CPA1: variants seen among roughly 807,000 people sequenced by gnomAD.
The protein encoded by CPA1 is carboxypeptidase A1.
In CPA1, 42 loss-of-function variants were observed where a neutral mutation model predicts 48.7. The observed-to-expected ratio is 0.86, with a 90% confidence interval of 0.67 to 1.11. The LOEUF is 1.11. Among genes scored for constraint, CPA1 ranks in the 50% most tolerant of loss-of-function variants. CPA1 has a pLI of 0.00. For missense variants in CPA1, 477 were observed against 544.7 expected (o/e 0.88, Z 1.24); for synonymous variants, 203 against 217.9 (o/e 0.93, Z 0.60).
At chr7:130,381,368 C>T (rs894289056) in intron 2 of CPA1, among the ~76,000 whole-genome samples, 189 bp downstream of exon 2, 1 of 152,088 alleles carries the variant, frequency 6.6e-6, no homozygotes. Context: ...GGCAAGGGGC[C>T]GGGCCCCTTT....
intron 8 of CPA1, 61 bp from the exon 9 acceptor site, chr7:130,385,778 C>T (rs1208271413): frequency 1.4e-6 from 2 of 1,417,728 alleles, no homozygotes; most frequent in Non-Finnish European, 9.9e-7. Flanking sequence ...CCAGACTACC[C>T]TGGACATGCT....
rs569677916 is a variant in CPA1, at chr7:130,381,219, A to G, written c.147+40A>G. 3.1e-5 allele frequency: 47 copies of G among 1,514,016 alleles called. 1 individual carries two copies. In the South Asian group the frequency reaches 5.3e-4, roughly 17 times the overall value. 93.8% of individuals were successfully genotyped at this position (1,514,016 alleles called of 1,614,324 possible). ...GAAGGGCTCTCTGAGGCCCCAGGGTATCAGCTGGGGCCACCCCAGGTCCCC... is the reference window on the plus strand; with the variant it reads ...GAAGGGCTCTCTGAGGCCCCAGGGTGTCAGCTGGGGCCACCCCAGGTCCCC... On this transcript the variant is annotated intron_variant, in intron 2 of 9. Transcript: ENST00000011292.
intron 4 of CPA1, among the ~76,000 whole-genome samples, chr7:130,383,101 T>C (rs868985982): frequency 4.1e-4 from 62 of 152,276 alleles, no homozygotes; most frequent in African/African-American, 1.3e-3. Flanking sequence ...GTTTTGTTTG[T>C]GATGTCCCCC....
rs782465366 is a variant in CPA1, at chr7:130,383,682, A to G, written c.586-2A>G. 1.8e-5 allele frequency: 29 copies of G among 1,610,670 alleles called. No homozygotes were observed. The East Asian group carries it at 6.2e-4, about 35-fold the overall frequency. ...TGCCCCTCTGCTCCTCTAACCCCCC[A>G]GATCACTCAAGACTACGGGCAGGAT... is the stretch of plus-strand genomic sequence containing the variant. On this transcript the variant is annotated splice_acceptor_variant, in intron 5 of 9. Coordinates refer to ENST00000011292, the MANE Select transcript of CPA1 (RefSeq NM_001868.4). LOFTEE classifies it high-confidence loss of function.
intron 6 of CPA1, chr7:130,384,044 G>C: frequency 1.9e-6 from 1 of 540,040 alleles, no homozygotes; most frequent in Non-Finnish European, 3.3e-6. Context: ...ATGCCAGTAG[G>C]AGCCCCCCTC....
chr7:130,385,055 C>A (rs982072068), intron 7 of CPA1, 91 bp from the exon 8 acceptor site: 2 of 1,306,976 alleles, frequency 1.5e-6, no homozygotes, highest in Admixed American at 3.4e-5. Context: ...CCTTCCATAC[C>A]ACCTCACCCC....
At chr7:130,385,368 C>T (rs782255121) in intron 8 of CPA1, 23 bp downstream of exon 8, 20 of 1,611,278 alleles carry the variant, frequency 1.2e-5, no homozygotes, top group Non-Finnish European at 1.6e-5. Context: ...CTCGGCTTGC[C>T]CCCTCGTCCC....
In CPA1 at chr7:130,383,765, C is replaced by A. The variant is rs1226357328; in HGVS notation, c.667C>A (p.Pro223Thr). 1.9e-6 allele frequency: 3 copies of A among 1,613,966 alleles called. No individual in the cohort carries two copies. Among genetic ancestry groups the A allele is most frequent in the African/African-American group, 1.3e-5 (1 of 74,918 alleles). The change falls in exon 6 of 10, where the codon CCT (proline) becomes ACT (threonine). Residue 223 changes from proline to threonine, a missense_variant. By Grantham distance (38) the Pro-to-Thr change is conservative. Coordinates refer to ENST00000011292, the MANE Select transcript of CPA1 (RefSeq NM_001868.4). ...LDIFLEIVTNPDGFAFTHSTN... is the reference protein window; with the variant it reads ...LDIFLEIVTNTDGFAFTHSTN... Reference sequence around the variant, plus strand: ...CATCTTCCTGGAGATCGTCACCAACCCTGATGGCTTTGCCTTCACGCACAG... The same window carrying A: ...CATCTTCCTGGAGATCGTCACCAACACTGATGGCTTTGCCTTCACGCACAG...
intron 6 of CPA1, 169 bp from the exon 7 acceptor site, chr7:130,384,367 T>G: frequency 1.6e-6 from 1 of 610,830 alleles, no homozygotes; most frequent in Non-Finnish European, 2.9e-6. Context: ...TCCCAAGCTG[T>G]GCCTGCAGCT....
At position 130,387,979 on chromosome 7, in the gene CPA1, A is replaced by G. The variant is rs782718650; in HGVS notation, c.1228A>G (p.Ile410Val). ...AKETWLALLT[I>V]MEHTLNHPY ...GGAGACGTGGCTGGCGCTTCTGACC[A>G]TCATGGAGCACACCCTGAATCACCC... Residue 410 changes from isoleucine to valine, a missense_variant, in exon 10 of 10, where the codon ATC becomes GTC. Coordinates refer to ENST00000011292, the MANE Select transcript of CPA1 (RefSeq NM_001868.4). This position sits in a 1 kb window ranked among gnomAD's most constrained non-coding sequence, Gnocchi z 4.6. 44 of 1,613,968 alleles carry G rather than the reference A, an allele frequency of 2.7e-5. No individual in the cohort carries two copies. The highest frequency in any genetic ancestry group is 2.0e-5 in the Non-Finnish European group (24 of 1,180,012).
At chr7:130,380,711 T>A in intron 1 of CPA1, 126 bp downstream of exon 1, 1 of 553,764 alleles carries the variant, frequency 1.8e-6, no homozygotes, top group Non-Finnish European at 3.0e-6. Context: ...TGGCACCACC[T>A]GGGACAGCTG....
chr7:130,380,982 A>C lies in CPA1; in HGVS notation c.66-116A>C, dbSNP rs1332061047. 6.2e-6 allele frequency: 5 copies of C among 809,774 alleles called. No homozygotes were observed. In the Admixed American group the frequency reaches 1.0e-4, roughly 16 times the overall value. 50.2% of individuals were successfully genotyped at this position (809,774 alleles called of 1,614,324 possible). A position where few individuals can be genotyped will look rare whatever the true frequency, so the allele number is the denominator to read the frequency against. The stretch of plus-strand genomic sequence containing the variant: ...TGGTGCTGTCCCCTGCCCAGCCCAG[A>C]GGACGAGGCCCAGTCTGGGGATTCT... On this transcript the variant is annotated intron_variant, in intron 1 of 9. Transcript: ENST00000011292.
intron 4 of CPA1, among the ~76,000 whole-genome samples, chr7:130,382,614 C>T (rs1279100546): frequency 6.6e-6 from 1 of 150,448 alleles, no homozygotes; most frequent in East Asian, 2.0e-4. Flanking sequence ...CAAGCACGTG[C>T]CACCATGCCC....
intron 5 of CPA1, 87 bp downstream of exon 5, chr7:130,383,579 C>T: frequency 7.0e-7 from 1 of 1,429,664 alleles, no homozygotes; most frequent in Non-Finnish European, 9.8e-7. Context: ...CTTTGCCCAT[C>T]CAGAAGCAGT....
At chr7:130,384,493 G>C (rs541961514) in intron 6 of CPA1, 43 bp from the exon 7 acceptor site, 2 of 1,562,864 alleles carry the variant, frequency 1.3e-6, no homozygotes, top group Admixed American at 3.3e-5. Flanking sequence ...TGTGACAAGC[G>C]TCACACGTGC....
At chr7:130,381,283 G>C in intron 2 of CPA1, 104 bp downstream of exon 2, 1 of 758,156 alleles carries the variant, frequency 1.3e-6, no homozygotes, top group Non-Finnish European at 2.2e-6. Context: ...ACCCAACAAG[G>C]AGACATGGAA....
In CPA1 at chr7:130,380,553, G is replaced by A. The variant is rs2117498366; in HGVS notation, c.33G>A (p.Leu11=). 1 of 1,317,488 alleles carries A rather than the reference G, an allele frequency of 7.6e-7. No homozygotes were observed. Among genetic ancestry groups the A allele is most frequent in the East Asian group, 2.8e-5 (1 of 35,742 alleles). The allele number at this position is 1,317,488 out of a possible 1,614,324, so 81.6% of individuals were successfully genotyped here. MRGLLVLSVL[L]GAVFGKEDFV... The stretch of plus-strand genomic sequence containing the variant: ...GGTTGCTGGTGTTGAGTGTCCTGTT[G>A]GGGGCTGTCTTTGGCAAGGAGGACT... Residue 11 remains leucine (L), a synonymous_variant, in exon 1 of 10, where the codon TTG becomes TTA. Transcript: ENST00000011292.
intron 4 of CPA1, 83 bp from the exon 5 acceptor site, chr7:130,383,308 C>T: frequency 9.4e-7 from 1 of 1,060,400 alleles, no homozygotes; most frequent in Non-Finnish European, 1.4e-6. Flanking sequence ...GGTCTCTGGC[C>T]CAGGTCGGGG....
rs146310023 is a variant in CPA1 at position 130,386,873 on chromosome 7, G to C, written c.1072+950G>C. Among the ~76,000 whole-genome samples, 16 of 152,334 alleles carry C rather than the reference G, an allele frequency of 1.1e-4. No individual in the cohort carries two copies. In the East Asian group the frequency reaches 2.7e-3, roughly 26 times the overall value. ...CAGGTGAGGTGAATCGGGAACACTG[G>C]GGGTGGAGGTGGGGCAGGTGGGTTG... On this transcript the variant is annotated intron_variant, in intron 9 of 9. Coordinates refer to ENST00000011292, the MANE Select transcript of CPA1 (RefSeq NM_001868.4).
Sources: gnomAD v4.1 joint callset for allele counts (sites outside exome capture counted in the v4.1 genomes callset) on GRCh38, gnomAD v4.1.1 for gene constraint, Gnocchi (gnomAD v3.1) non-coding constraint, MANE v1.5 for transcripts, NCBI Gene and HGNC (gene_info 2026-07-23, HGNC 2026-07-21) for gene names.